Variants in RELN observed in about 807,000 individuals in gnomAD.
RELN encodes the protein reelin.
In RELN, 108 loss-of-function variants were observed where a neutral mutation model predicts 427.6. That is an observed-to-expected ratio of 0.25 (90% CI 0.22 to 0.30). The LOEUF (loss-of-function observed/expected upper bound fraction) is 0.30. Ranked by LOEUF, RELN falls within the 10% of genes least tolerant of loss-of-function variation. The pLI, the probability that RELN is intolerant of heterozygous loss-of-function variation, is 1.00. For missense variants in RELN, 3,715 were observed against 4,302.8 expected, an observed-to-expected ratio of 0.86 and a Z score of 3.82; for synonymous variants, 1,524 against 1,513.4, an observed-to-expected ratio of 1.01 and a Z score of -0.16.
rs137890670 is a variant in RELN at position 103,651,148 on chromosome 7, C to G, written c.1892+513G>C. Among the ~76,000 whole-genome samples, 491 of 152,164 alleles carry G rather than the reference C, an allele frequency of 3.2e-3. 3 individuals are homozygous for G. Among genetic ancestry groups the G allele is most frequent in the African/African-American group, 0.011 (474 of 41,524 alleles). On this transcript the variant is annotated intron_variant, in intron 15 of 64. Coordinates refer to ENST00000428762, the MANE Select transcript of RELN (RefSeq NM_005045.4). ...TCCCAACTTAATTTTGCCATTCTTG[C>G]AAATATTTTTACTATTCTCATAATG...
intron 38 of RELN, among the ~76,000 whole-genome samples, 187 bp from the exon 39 acceptor site, chr7:103,554,018 T>A (rs1830471332): frequency 6.6e-6 from 1 of 152,012 alleles, no homozygotes; most frequent in Non-Finnish European, 1.5e-5. Context: ...AGGGCCTATC[T>A]CTACAAAAAA....
intron 3 of RELN, among the ~76,000 whole-genome samples, chr7:103,799,258 A>G (rs986932192): frequency 3.9e-5 from 6 of 152,152 alleles, no homozygotes; most frequent in Non-Finnish European, 8.8e-5. Flanking sequence ...TCACACAGCT[A>G]TGATAAAGAT....
At chr7:103,700,691 C>G (rs923119518) in intron 9 of RELN, among the ~76,000 whole-genome samples, 1 of 152,090 alleles carries the variant, frequency 6.6e-6, no homozygotes, top group Admixed American at 6.6e-5. Flanking sequence ...GTTATAAGTA[C>G]TGCTGATGGG....
chr7:103,814,728 C>A (rs1228925288), intron 3 of RELN, among the ~76,000 whole-genome samples: 1 of 151,562 alleles, frequency 6.6e-6, no homozygotes, highest in African/African-American at 2.4e-5. Flanking sequence ...GAAGTAGAAG[C>A]CTTGGGTTCT....
intron 1 of RELN, among the ~76,000 whole-genome samples, chr7:103,921,023 T>TA (rs1795606700): frequency 6.6e-6 from 1 of 152,202 alleles, no homozygotes; most frequent in South Asian, 2.1e-4. Flanking sequence ...CATTCAGACT[T>TA]AAAGAATGAA....
chr7:103,785,488 A>G (rs1479455034), intron 3 of RELN, among the ~76,000 whole-genome samples: 1 of 152,170 alleles, frequency 6.6e-6, no homozygotes, highest in Non-Finnish European at 1.5e-5. Context: ...AGTTTCCACA[A>G]TAGAAGAAGC....
rs755181554 is a variant in RELN at position 103,483,602 on chromosome 7, T to C, written c.10181+51A>G. On this transcript the variant is annotated intron_variant, in intron 62 of 64. Transcript: ENST00000428762. ...CCTCAAACTTTGTGATTCCCAGGGA[T>C]TCACAAAGGGATTGTGCATGAGACC... 5 of 1,567,116 alleles carry C rather than the reference T, an allele frequency of 3.2e-6. No homozygotes were observed. In the South Asian group the frequency reaches 4.4e-5, roughly 14 times the overall value.
intron 1 of RELN, among the ~76,000 whole-genome samples, chr7:103,975,952 G>A (rs1796870933): frequency 6.6e-6 from 1 of 152,054 alleles, no homozygotes; most frequent in South Asian, 2.1e-4. Context: ...GGCCATCTAG[G>A]GAAAGGGATG....
At chr7:103,591,364 A>G (rs1378896223) in intron 27 of RELN, among the ~76,000 whole-genome samples, 1 of 152,208 alleles carries the variant, frequency 6.6e-6, no homozygotes, top group African/African-American at 2.4e-5. Flanking sequence ...ATAGCTCAGG[A>G]GGTCAATCAG....
intron 51 of RELN, 52 bp downstream of exon 51, chr7:103,510,799 G>T: frequency 7.2e-7 from 1 of 1,396,360 alleles, no homozygotes; most frequent in Non-Finnish European, 1.0e-6. Flanking sequence ...GATATTTTTT[G>T]TTATATTGCT....
chr7:103,962,932 G>C (rs1158417219), intron 1 of RELN, among the ~76,000 whole-genome samples: 1 of 152,070 alleles, frequency 6.6e-6, no homozygotes, highest in Non-Finnish European at 1.5e-5. Flanking sequence ...TACTTACACT[G>C]TCTAAGGACA....
At chr7:103,572,047 T>G (rs1450360404) in intron 31 of RELN, 137 bp downstream of exon 31, 1 of 690,584 alleles carries the variant, frequency 1.4e-6, no homozygotes, top group African/African-American at 1.8e-5. Flanking sequence ...CAGCCACCGA[T>G]TCTACAAAGC....
chr7:103,961,721 G>C (rs1016399306), intron 1 of RELN, among the ~76,000 whole-genome samples: 2 of 152,164 alleles, frequency 1.3e-5, no homozygotes, highest in Non-Finnish European at 2.9e-5. Flanking sequence ...CCTTGGGAAA[G>C]TCACTTAGTT....
At chr7:103,839,593 A>T (rs569187635) in intron 2 of RELN, among the ~76,000 whole-genome samples, 1 of 152,164 alleles carries the variant, frequency 6.6e-6, no homozygotes, top group Non-Finnish European at 1.5e-5. Context: ...TCTTAAATAA[A>T]GCAGCTAGAA....
chr7:103,765,518 A>G (rs1241331582), intron 4 of RELN, among the ~76,000 whole-genome samples: 2 of 152,242 alleles, frequency 1.3e-5, no homozygotes, highest in African/African-American at 4.8e-5. Flanking sequence ...TAAAAAATCT[A>G]TATTAATTGT....
At chr7:103,574,405 G>A in intron 29 of RELN, 106 bp from the exon 30 acceptor site, 1 of 920,296 alleles carries the variant, frequency 1.1e-6, no homozygotes, top group Non-Finnish European at 1.7e-6. Context: ...ATTAACATTA[G>A]GGAGAGAGGC....
intron 6 of RELN, among the ~76,000 whole-genome samples, chr7:103,731,540 T>C (rs1562977045): frequency 6.6e-6 from 1 of 152,130 alleles, no homozygotes; most frequent in Non-Finnish European, 1.5e-5. Context: ...TTTAGAAATA[T>C]TAAATTACTG....
In RELN at chr7:103,865,150, A is replaced by G. The variant is rs1005429918; in HGVS notation, c.338-31478T>C. On this transcript the variant is annotated intron_variant, in intron 2 of 64. Transcript: ENST00000428762. ...ACTGTCTCAAAAAAAAAAAAAAAAAAAAAAAGAAAGAAAGAAATTCTTAGA... is the reference window on the plus strand; with the variant it reads ...ACTGTCTCAAAAAAAAAAAAAAAAAGAAAAAGAAAGAAAGAAATTCTTAGA... Among the ~76,000 whole-genome samples the G allele has an allele frequency of 6.0e-5, 9 of 150,448 alleles. No homozygotes were observed. In the South Asian group the frequency reaches 1.2e-3, roughly 21 times the overall value.
chr7:103,548,940 G>C (rs1055605213), intron 41 of RELN, among the ~76,000 whole-genome samples: 1 of 152,112 alleles, frequency 6.6e-6, no homozygotes, highest in Non-Finnish European at 1.5e-5. Context: ...TTCCAAGTGG[G>C]AACTTGCTGA....
Sources: gnomAD v4.1 joint callset for allele counts (sites outside exome capture counted in the v4.1 genomes callset) on GRCh38, gnomAD v4.1.1 for gene constraint, MANE v1.5 for transcripts, NCBI Gene and HGNC (gene_info 2026-07-23, HGNC 2026-07-21) for gene names.